Variants in GEMIN5 observed in about 807,000 individuals in gnomAD.
The protein encoded by GEMIN5 is gem nuclear organelle associated protein 5.
Under a neutral mutation model 176.9 loss-of-function variants are expected in GEMIN5, and 124 were observed. The ratio of observed to expected loss-of-function variants is 0.70; its 90% CI spans 0.61 to 0.81. The LOEUF is 0.81. Ranked by LOEUF, GEMIN5 falls within the 40% of genes least tolerant of loss-of-function variation. GEMIN5 has a pLI of 0.00. For synonymous variants in GEMIN5, 673 were observed against 665.2 expected (o/e 1.01, Z -0.18); for missense variants, 1,843 against 1,814.6 (o/e 1.02, Z -0.28).
intron 14 of GEMIN5, among the ~76,000 whole-genome samples, chr5:154,912,675 C>A (rs1051797602): frequency 1.3e-5 from 2 of 151,896 alleles, no homozygotes; most frequent in African/African-American, 4.8e-5. Context: ...TTAGCTAGCT[C>A]CTATCAATAC....
intron 3 of GEMIN5, among the ~76,000 whole-genome samples, chr5:154,934,457 G>A (rs1232780475): frequency 1.3e-5 from 2 of 152,116 alleles, no homozygotes; most frequent in Non-Finnish European, 2.9e-5. Flanking sequence ...GATTACAGGC[G>A]TGCACCACTG....
At chr5:154,900,252 A>C (rs186728748) in intron 21 of GEMIN5, among the ~76,000 whole-genome samples, 106 of 152,364 alleles carry the variant, frequency 7.0e-4, no homozygotes, top group African/African-American at 2.4e-3. Flanking sequence ...CAGTAAACAA[A>C]TATTTTTCAA....
At chr5:154,892,583 C>T in intron 24 of GEMIN5, 34 bp from the exon 25 acceptor site, 1 of 1,605,850 alleles carries the variant, frequency 6.2e-7, no homozygotes, top group East Asian at 2.2e-5. Flanking sequence ...AGTTAAACAT[C>T]CTCCCACGGT....
At chr5:154,935,641 C>G (rs1764251504) in intron 3 of GEMIN5, among the ~76,000 whole-genome samples, 200 bp downstream of exon 3, 1 of 152,218 alleles carries the variant, frequency 6.6e-6, no homozygotes, top group East Asian at 1.9e-4. Context: ...AGTACAGTAC[C>G]ATGGAAACCA....
intron 26 of GEMIN5, among the ~76,000 whole-genome samples, chr5:154,890,173 T>C (rs924741023): frequency 6.6e-6 from 1 of 152,218 alleles, no homozygotes; most frequent in Non-Finnish European, 1.5e-5. Flanking sequence ...GAAGTGCTGC[T>C]TCACTGTAGT....
intron 24 of GEMIN5, among the ~76,000 whole-genome samples, chr5:154,895,272 C>T (rs1305003727): frequency 2.1e-5 from 3 of 141,742 alleles, no homozygotes; most frequent in Admixed American, 7.4e-5. Flanking sequence ...GAGGCTGAGG[C>T]GGGAGGATCA....
chr5:154,892,601 G>A (rs980207793), intron 24 of GEMIN5, 52 bp from the exon 25 acceptor site: 2 of 1,558,792 alleles, frequency 1.3e-6, no homozygotes, highest in African/African-American at 2.7e-5. Flanking sequence ...GGTAGGCGCA[G>A]AGGATGCCAC....
rs1257308732 is a variant in GEMIN5 at position 154,898,617 on chromosome 5, G to A, written c.3168C>T (p.Ala1056=). Residue 1056 remains alanine (A), a synonymous_variant, in exon 23 of 28, where the codon GCC becomes GCT. Transcript: ENST00000285873. ...CATCCCCCTTTTTGGCCAAAACTTT[G>A]GCTGCATCATAAGCACAAGTGGCCC... ...YLGATCAYDA[A]KVLAKKGDAA... 6.2e-7 allele frequency: 1 copy of A among 1,613,956 alleles called. No homozygotes were observed. Among genetic ancestry groups the A allele is most frequent in the Admixed American group, 1.7e-5 (1 of 60,022 alleles).
In GEMIN5 at chr5:154,924,454, T is replaced by C; in HGVS notation, c.1379+15A>G. 1 of 1,543,818 alleles carries C rather than the reference T, an allele frequency of 6.5e-7. No individual in the cohort carries two copies. Among genetic ancestry groups the C allele is most frequent in the Non-Finnish European group, 8.9e-7 (1 of 1,117,554 alleles). On this transcript the variant is annotated intron_variant, in intron 9 of 27. Transcript: ENST00000285873. ...TCCCCGGGCCACAATGGAAGAAGAATCACCCATTTCTTACTTGTTGGAGTA... is the reference window on the plus strand; with the variant it reads ...TCCCCGGGCCACAATGGAAGAAGAACCACCCATTTCTTACTTGTTGGAGTA...
intron 23 of GEMIN5, 23 bp downstream of exon 23, chr5:154,898,417 A>C: frequency 5.1e-6 from 8 of 1,571,692 alleles, no homozygotes; most frequent in East Asian, 2.2e-5. Flanking sequence ...CTTGTATACT[A>C]GGAGATGAAA....
intron 22 of GEMIN5, among the ~76,000 whole-genome samples, 189 bp from the exon 23 acceptor site, chr5:154,898,839 A>G (rs1052856349): frequency 6.6e-5 from 10 of 152,144 alleles, no homozygotes; most frequent in African/African-American, 2.4e-4. Context: ...ATGAGAAACA[A>G]TATCATATAG....
At chr5:154,892,219 T>C (rs944775246) in intron 25 of GEMIN5, among the ~76,000 whole-genome samples, 168 bp downstream of exon 25, 1 of 152,304 alleles carries the variant, frequency 6.6e-6, no homozygotes, top group East Asian at 1.9e-4. Context: ...AAGGAAACAG[T>C]ATAGTTGTTC....
At chr5:154,901,893 C>A (rs1016088296) in intron 20 of GEMIN5, among the ~76,000 whole-genome samples, 2 of 152,032 alleles carry the variant, frequency 1.3e-5, no homozygotes, top group East Asian at 1.9e-4. Context: ...TTAACCTCCC[C>A]GGGCTCAGGT....
Position 154,911,787 on chromosome 5 carries a change from C to T in GEMIN5, c.2107G>A (p.Asp703Asn), listed in dbSNP as rs1164524178. 6.2e-7 allele frequency: 1 copy of T among 1,614,092 alleles called. No individual in the cohort carries two copies. The highest frequency in any genetic ancestry group is 1.1e-5 in the South Asian group (1 of 91,076). The part of the protein sequence containing the change: ...LDPDCIYSGA[D>N]DFCVHKWLTS... ...AGCCACTTGTGCACACAAAAGTCAT[C>T]TGCCCCTGAATAGATGCAGTCTGGA... The change falls in exon 15 of 28, where the codon GAT becomes AAT. Residue 703 changes from aspartate to asparagine, a missense_variant. Asp to Asn is a conservative substitution (Grantham distance 23). Transcript: ENST00000285873.
intron 24 of GEMIN5, among the ~76,000 whole-genome samples, chr5:154,893,345 G>C (rs934406110): frequency 8.0e-5 from 12 of 150,410 alleles, no homozygotes; most frequent in African/African-American, 2.9e-4. Context: ...CGGAAGAATT[G>C]CTTGAACCCG....
chr5:154,904,145 G>T (rs1022439399), intron 18 of GEMIN5, among the ~76,000 whole-genome samples: 2 of 151,894 alleles, frequency 1.3e-5, no homozygotes, highest in Admixed American at 6.6e-5. Context: ...AAGAAAAAAA[G>T]ATTTTTTTCT....
At chr5:154,907,092 AG>A (rs1401273732) in intron 16 of GEMIN5, among the ~76,000 whole-genome samples, 1 of 152,206 alleles carries the variant, frequency 6.6e-6, no homozygotes, top group Non-Finnish European at 1.5e-5. Context: ...TTAACTCACT[AG>A]AAAAACCTAA....
chr5:154,905,305 T>C (rs1763546771), intron 17 of GEMIN5, 58 bp downstream of exon 17: 1 of 751,934 alleles, frequency 1.3e-6, no homozygotes, highest in Non-Finnish European at 2.3e-6. Context: ...GCGTGTAATA[T>C]ATGTAATATT....
intron 23 of GEMIN5, among the ~76,000 whole-genome samples, 186 bp from the exon 24 acceptor site, chr5:154,896,529 TC>T (rs1165921637): frequency 6.6e-6 from 1 of 152,176 alleles, no homozygotes; most frequent in African/African-American, 2.4e-5. Flanking sequence ...GACAGACACT[TC>T]CCAGGTCCCT....
Sources: allele counts gnomAD v4.1 joint callset (sites outside exome capture counted in the v4.1 genomes callset), GRCh38; gene constraint gnomAD v4.1.1; transcripts MANE v1.5; gene names NCBI Gene and HGNC (gene_info 2026-07-23, HGNC 2026-07-21).